Variants in LMBR1 observed in about 807,000 individuals in gnomAD.
LMBR1 encodes limb development membrane protein 1, also known as limb region 1 protein homolog.
LMBR1 carries 52 observed loss-of-function variants against 73.9 expected under a neutral mutation model. The observed-to-expected ratio is 0.70, with a 90% CI of 0.56 to 0.89. The LOEUF (loss-of-function observed/expected upper bound fraction) is 0.89. LMBR1 is among the 40% of genes least tolerant of loss of function. LMBR1 has a pLI of 0.00. For missense variants in LMBR1, 539 were observed against 579.8 expected (o/e 0.93, Z 0.72); for synonymous variants, 215 against 209.4 (o/e 1.03, Z -0.23).
At chr7:156,820,265 C>G (rs1834546519) in intron 4 of LMBR1, among the ~76,000 whole-genome samples, 1 of 152,180 alleles carries the variant, frequency 6.6e-6, no homozygotes, top group Admixed American at 6.5e-5. Context: ...TTCTCTCTGT[C>G]CCTGTTAGTA....
chr7:156,688,214 C>A, intron 15 of LMBR1, 23 bp from the exon 16 acceptor site: 2 of 1,545,496 alleles, frequency 1.3e-6, no homozygotes, highest in Non-Finnish European at 8.8e-7. Flanking sequence ...AATAAAATAG[C>A]CCTTAATGAA....
At chr7:156,872,227 T>C (rs1402284535) in intron 1 of LMBR1, 1 of 150,614 alleles carries the variant, frequency 6.6e-6, no homozygotes, top group East Asian at 1.9e-4. Context: ...GACTGAATTA[T>C]AAAGAAAAAA....
At chr7:156,843,281 C>A (rs1586176523) in intron 1 of LMBR1, among the ~76,000 whole-genome samples, 1 of 152,112 alleles carries the variant, frequency 6.6e-6, no homozygotes, top group South Asian at 2.1e-4. Context: ...AAGCCCCTGA[C>A]CACAGTGTGA....
chr7:156,766,239 G>GT (rs1220154275), intron 5 of LMBR1, among the ~76,000 whole-genome samples: 2 of 152,092 alleles, frequency 1.3e-5, no homozygotes, highest in Non-Finnish European at 2.9e-5. Flanking sequence ...TAGAGATAGT[G>GT]TATCTCTGAA....
intron 8 of LMBR1, among the ~76,000 whole-genome samples, chr7:156,758,459 T>C (rs1055839720): frequency 6.6e-6 from 1 of 152,254 alleles, no homozygotes; most frequent in African/African-American, 2.4e-5. Context: ...TGTTGAAATC[T>C]GATCCCCAGT....
intron 15 of LMBR1, among the ~76,000 whole-genome samples, chr7:156,699,487 A>G (rs1480692335): frequency 3.3e-5 from 5 of 151,862 alleles, no homozygotes; most frequent in African/African-American, 9.7e-5. Flanking sequence ...TTCAGGACAT[A>G]GGCACGGGCA....
chr7:156,779,789 G>C (rs1050824334), intron 5 of LMBR1: 1 of 773,266 alleles, frequency 1.3e-6, no homozygotes, highest in African/African-American at 1.8e-5. Flanking sequence ...TAGGAAGCCT[G>C]GGAAAACTTC....
intron 4 of LMBR1, chr7:156,823,204 C>T (rs1366532273): frequency 2.0e-5 from 3 of 150,902 alleles, no homozygotes; most frequent in Non-Finnish European, 3.0e-5. Flanking sequence ...ATTAAAATGT[C>T]CTATCTGACT....
At chr7:156,825,776 A>G (rs1835579005) in intron 4 of LMBR1, among the ~76,000 whole-genome samples, 1 of 152,156 alleles carries the variant, frequency 6.6e-6, no homozygotes, top group Admixed American at 6.5e-5. Context: ...CATCATTCCT[A>G]TTGCAAAAAC....
intron 15 of LMBR1, among the ~76,000 whole-genome samples, chr7:156,701,898 G>A (rs1465246792): frequency 6.6e-6 from 1 of 152,136 alleles, no homozygotes; most frequent in Admixed American, 6.5e-5. Context: ...CTGTTCCTGT[G>A]TTAGTTTGCT....
At chr7:156,835,723 T>G (rs920048209) in intron 2 of LMBR1, among the ~76,000 whole-genome samples, 1 of 151,504 alleles carries the variant, frequency 6.6e-6, no homozygotes, top group Non-Finnish European at 1.5e-5. Flanking sequence ...ACATCAAGTC[T>G]TAGAGAATGT....
chr7:156,768,570 TAGG>T (rs1158072366), intron 5 of LMBR1, among the ~76,000 whole-genome samples: 1 of 152,030 alleles, frequency 6.6e-6, no homozygotes, highest in Non-Finnish European at 1.5e-5. Context: ...GCCTCGACAT[TAGG>T]AGGGCTCAGG....
Position 156,683,926 on chromosome 7 carries a change from T to C in LMBR1, c.*152A>G. On this transcript the variant is annotated 3_prime_UTR_variant, in exon 17 of 17. Transcript: ENST00000353442. Reference sequence around the variant, plus strand: ...TTAAAAAAGATCAGCCATAGCCAAGTTCTTCGTAGATTATGAAAAAAAAAT... The same window carrying C: ...TTAAAAAAGATCAGCCATAGCCAAGCTCTTCGTAGATTATGAAAAAAAAAT... The C allele has an allele frequency of 3.0e-6, 2 of 666,488 alleles. No individual in the cohort carries two copies. The highest frequency in any genetic ancestry group is 5.3e-6 in the Non-Finnish European group (2 of 376,906). 41.3% of individuals were successfully genotyped at this position (666,488 alleles called of 1,614,324 possible). A position where few individuals can be genotyped will look rare whatever the true frequency, so the allele number is the denominator to read the frequency against.
intron 5 of LMBR1, among the ~76,000 whole-genome samples, chr7:156,793,535 T>C (rs183801335): frequency 7.2e-4 from 109 of 152,322 alleles, no homozygotes; most frequent in Non-Finnish European, 1.3e-3. Context: ...GTACATGCCA[T>C]TGCAAAATGG....
rs773378902 is a variant in LMBR1 at position 156,725,841 on chromosome 7, G to C, written c.994-4C>G. 7 of 1,610,974 alleles carry C rather than the reference G, an allele frequency of 4.3e-6. No individual in the cohort carries two copies. The African/African-American group carries it at 9.4e-5, about 22-fold the overall frequency. On this transcript the variant is annotated splice_polypyrimidine_tract_variant and splice_region_variant and intron_variant, in intron 12 of 16. Coordinates refer to ENST00000353442, the MANE Select transcript of LMBR1 (RefSeq NM_022458.4). ...AGGCATTTCCTATTCCAGGCCCCTG[G>C]GGTGGGAGAAAGACACTTTTCAGAA...
At chr7:156,818,820 G>A (rs927180854) in intron 4 of LMBR1, among the ~76,000 whole-genome samples, 1 of 152,090 alleles carries the variant, frequency 6.6e-6, no homozygotes, top group East Asian at 1.9e-4. Flanking sequence ...TATAGAAGTG[G>A]ATACTTTATT....
intron 1 of LMBR1, among the ~76,000 whole-genome samples, chr7:156,891,854 CT>C (rs1025419360): frequency 2.6e-5 from 4 of 152,204 alleles, no homozygotes; most frequent in African/African-American, 4.8e-5. Context: ...TATATGTCCT[CT>C]TTATTCAAAG....
intron 15 of LMBR1, among the ~76,000 whole-genome samples, chr7:156,720,063 A>T (rs535959480): frequency 8.6e-5 from 13 of 152,000 alleles, no homozygotes; most frequent in African/African-American, 2.7e-4. Context: ...TTCATGTCTA[A>T]AACACCAAAA....
chr7:156,880,536 A>G lies in LMBR1; in HGVS notation c.66+12392T>C, dbSNP rs750180128. On this transcript the variant is annotated intron_variant, in intron 1 of 16. Coordinates refer to ENST00000353442, the MANE Select transcript of LMBR1 (RefSeq NM_022458.4). ...AAAATAAAAAAAAAAGAAATTAAAG[A>G]AGGCACAGACAAAGGGAAAGACACC... Among the ~76,000 whole-genome samples, 7 of 152,208 alleles carry G rather than the reference A, an allele frequency of 4.6e-5. 1 individual carries two copies. The highest frequency in any genetic ancestry group is 1.3e-4 in the Admixed American group (2 of 15,276).
Sources: allele counts gnomAD v4.1 joint callset (sites outside exome capture counted in the v4.1 genomes callset), GRCh38; gene constraint gnomAD v4.1.1; transcripts MANE v1.5; gene names NCBI Gene and HGNC (gene_info 2026-07-23, HGNC 2026-07-21).